The following FCF1 variants were observed in gnomAD, a reference collection of about 807,000 sequenced individuals.
The protein encoded by FCF1 is rRNA-processing protein FCF1 homolog.
Under a neutral mutation model 32.5 loss-of-function variants are expected in FCF1, and 17 were observed. That is an observed-to-expected ratio of 0.52 (90% confidence interval 0.36 to 0.78). The LOEUF (loss-of-function observed/expected upper bound fraction) is 0.78. Ranked by LOEUF, FCF1 falls within the 30% of genes least tolerant of loss-of-function variation. FCF1 has a pLI of 0.00. For synonymous variants in FCF1, 84 were observed against 78.4 expected (o/e 1.07, Z -0.38); for missense variants, 201 against 241.1 (o/e 0.83, Z 1.10).
intron 4 of FCF1, 122 bp from the exon 5 acceptor site, chr14:74,723,150 G>A: frequency 1.4e-6 from 1 of 691,000 alleles, no homozygotes; most frequent in Non-Finnish European, 2.6e-6. Flanking sequence ...ATATTTCAGT[G>A]TGCTAATTCT....
At chr14:74,734,028 A>G (rs2090672376) in intron 6 of FCF1, 48 bp from the exon 7 acceptor site, 6 of 1,255,902 alleles carry the variant, frequency 4.8e-6, no homozygotes, top group Non-Finnish European at 7.0e-6. Flanking sequence ...GTATTCACTA[A>G]GCGTGCTCAG....
At chr14:74,716,798 G>A (rs979550312) in intron 4 of FCF1, among the ~76,000 whole-genome samples, 12 of 152,250 alleles carry the variant, frequency 7.9e-5, no homozygotes, top group Non-Finnish European at 1.3e-4. Context: ...TTAGAGGTAC[G>A]AATGAAAATT....
chr14:74,714,224 C>T (rs963346016), intron 2 of FCF1, among the ~76,000 whole-genome samples: 13 of 152,100 alleles, frequency 8.5e-5, no homozygotes, highest in Non-Finnish European at 1.6e-4. Context: ...GAGGCTGAGG[C>T]GGGTGGATCA....
chr14:74,725,176 A>G (rs777101986), intron 5 of FCF1, among the ~76,000 whole-genome samples: 7 of 152,092 alleles, frequency 4.6e-5, no homozygotes, highest in Non-Finnish European at 8.8e-5. Flanking sequence ...GCAGACAGCC[A>G]GAAGAAATGG....
chr14:74,713,919 G>C (rs1250736969), intron 2 of FCF1, among the ~76,000 whole-genome samples: 1 of 152,156 alleles, frequency 6.6e-6, no homozygotes, highest in Non-Finnish European at 1.5e-5. Flanking sequence ...AAGATGGCAA[G>C]GTTAGAGACC....
chr14:74,724,677 A>T (rs971834303), intron 5 of FCF1, among the ~76,000 whole-genome samples: 2 of 151,990 alleles, frequency 1.3e-5, no homozygotes, highest in Non-Finnish European at 2.9e-5. Context: ...GGCTGAGGCA[A>T]GTGGATTGTT....
At chr14:74,729,986 G>C (rs2090613339) in intron 5 of FCF1, among the ~76,000 whole-genome samples, 1 of 151,948 alleles carries the variant, frequency 6.6e-6, no homozygotes, top group African/African-American at 2.4e-5. Context: ...TATAATTTCT[G>C]TTCTTTTATA....
At chr14:74,720,886 T>C (rs1461395328) in intron 4 of FCF1, among the ~76,000 whole-genome samples, 3 of 150,870 alleles carry the variant, frequency 2.0e-5, no homozygotes, top group Non-Finnish European at 4.4e-5. Context: ...TTTGTTTTTT[T>C]TTTTTTTTTT....
At chr14:74,714,417 C>T (rs970732234) in intron 2 of FCF1, among the ~76,000 whole-genome samples, 1 of 152,144 alleles carries the variant, frequency 6.6e-6, no homozygotes, top group Non-Finnish European at 1.5e-5. Flanking sequence ...ATAATAATTT[C>T]TTTCTAGTTA....
At position 74,732,154 on chromosome 14, in the gene FCF1, T is replaced by TTATA. The variant is rs57872736; in HGVS notation, c.366-565_366-562dup. ...TTTGTATTTTATTAATTAAATCATA[T>TTATA]TATATATATATATATGCATATGCCC... On this transcript the variant is annotated intron_variant, in intron 5 of 7. Transcript: ENST00000341162. 4.4e-3 allele frequency among the ~76,000 whole-genome samples: 657 copies of TTATA among 150,042 alleles called. 2 individuals are homozygous for TTATA. Among genetic ancestry groups the TTATA allele is most frequent in the African/African-American group, 0.012 (491 of 40,974 alleles).
In FCF1 at chr14:74,737,437, A is replaced by C. The variant is rs1324357405; in HGVS notation, c.*2507A>C. On this transcript the variant is annotated 3_prime_UTR_variant, in exon 8 of 8. Transcript: ENST00000341162. ...GGTATTTCGTTTCTGTGGGAAAAGG[A>C]AATTTCATTAACAGGCCAAATAGTC... The C allele has an allele frequency of 6.6e-6, 1 of 152,214 alleles. No individual in the cohort carries two copies. Among genetic ancestry groups the C allele is most frequent in the Non-Finnish European group, 1.5e-5 (1 of 68,046 alleles). The allele number at this position is 152,214 out of a possible 1,614,324, so 9.4% of individuals were successfully genotyped here.
rs2090690592 is a variant in FCF1 at position 74,735,152 on chromosome 14, G to A, written c.*222G>A. On this transcript the variant is annotated 3_prime_UTR_variant, in exon 8 of 8. Transcript: ENST00000341162. ...TTAAGCATTTTGTGGGGCCGCGGGG[G>A]TTGGGGGGAATCTGTGCAGGGGGAA... 3 of 386,164 alleles carry A rather than the reference G, an allele frequency of 7.8e-6. No homozygotes were observed. In the South Asian group the frequency reaches 9.7e-5, roughly 12 times the overall value. 23.9% of individuals were successfully genotyped at this position (386,164 alleles called of 1,614,324 possible).
chr14:74,713,170 A>T lies in FCF1; in HGVS notation c.-28A>T. ...TAGAAGTATTGCGCCGTTGGTGATTACGGAAGAACCAGGAGTTTGGCGTGA... is the reference window on the plus strand; with the variant it reads ...TAGAAGTATTGCGCCGTTGGTGATTTCGGAAGAACCAGGAGTTTGGCGTGA... On this transcript the variant is annotated 5_prime_UTR_variant, in exon 1 of 8. Coordinates refer to ENST00000341162, the MANE Select transcript of FCF1 (RefSeq NM_015962.5). 1 of 1,614,202 alleles carries T rather than the reference A, an allele frequency of 6.2e-7. No individual in the cohort carries two copies. The highest frequency in any genetic ancestry group is 1.3e-5 in the African/African-American group (1 of 75,060).
At chr14:74,724,404 AC>A (rs1290478133) in intron 5 of FCF1, among the ~76,000 whole-genome samples, 1 of 152,000 alleles carries the variant, frequency 6.6e-6, no homozygotes, top group Admixed American at 6.6e-5. Flanking sequence ...CTGCCTCAGC[AC>A]CCTCAAGTAG....
At chr14:74,731,067 T>C (rs937802196) in intron 5 of FCF1, among the ~76,000 whole-genome samples, 1 of 152,008 alleles carries the variant, frequency 6.6e-6, no homozygotes, top group Non-Finnish European at 1.5e-5. Context: ...ACTCCTGGCC[T>C]CAAGTGATCT....
At chr14:74,713,464 T>C (rs544159039) in intron 1 of FCF1, 21 bp from the exon 2 acceptor site, 4 of 1,611,478 alleles carry the variant, frequency 2.5e-6, no homozygotes, top group South Asian at 1.1e-5. Context: ...ACTTTTTTAA[T>C]TCTAAAATTT....
chr14:74,713,216 C>G lies in FCF1; in HGVS notation c.3+16C>G. 4 of 1,614,172 alleles carry G rather than the reference C, an allele frequency of 2.5e-6. No individual in the cohort carries two copies. The highest frequency in any genetic ancestry group is 3.4e-6 in the Non-Finnish European group (4 of 1,180,052). On this transcript the variant is annotated intron_variant, in intron 1 of 7. Transcript: ENST00000341162. ...CGTGACCATGGTGAGAGAAGACGGT[C>G]CAAGAAGGGACGTTATCAGGCCACT...
At chr14:74,730,418 A>AT (rs1456843438) in intron 5 of FCF1, among the ~76,000 whole-genome samples, 4 of 151,860 alleles carry the variant, frequency 2.6e-5, no homozygotes, top group Admixed American at 6.6e-5. Context: ...TTAAAAAAAA[A>AT]TTTTTTTGGT....
At chr14:74,722,708 G>T (rs2090521951) in intron 4 of FCF1, among the ~76,000 whole-genome samples, 1 of 151,964 alleles carries the variant, frequency 6.6e-6, no homozygotes, top group African/African-American at 2.4e-5. Flanking sequence ...CCCAAGACAG[G>T]AGGAATGATT....
Sources: allele counts gnomAD v4.1 joint callset (sites outside exome capture counted in the v4.1 genomes callset), GRCh38; gene constraint gnomAD v4.1.1; transcripts MANE v1.5; gene names NCBI Gene and HGNC (gene_info 2026-07-23, HGNC 2026-07-21).